CACNA2D4: variants seen among roughly 807,000 people sequenced by gnomAD.
CACNA2D4 encodes calcium voltage-gated channel auxiliary subunit alpha2delta 4, also known as voltage-dependent calcium channel subunit alpha-2/delta-4.
Under a neutral mutation model 163.8 loss-of-function variants are expected in CACNA2D4, and 157 were observed. The observed-to-expected ratio is 0.96, with a 90% CI of 0.84 to 1.09. CACNA2D4 has a LOEUF of 1.09. CACNA2D4 is among the 50% of genes least tolerant of loss of function. The pLI is 0.00. For synonymous variants in CACNA2D4, 598 were observed against 586.9 expected, an observed-to-expected ratio of 1.02 and a Z score of -0.27; for missense variants, 1,410 against 1,479.9, an observed-to-expected ratio of 0.95 and a Z score of 0.78.
intron 35 of CACNA2D4, 177 bp from the exon 36 acceptor site, chr12:1,795,957 T>C: frequency 3.3e-6 from 2 of 609,198 alleles, no homozygotes; most frequent in Admixed American, 2.8e-5. Context: ...TCAGTCCTAC[T>C]GGCTTTGCTC....
At position 1,909,895 on chromosome 12, in the gene CACNA2D4, G is replaced by A. The variant is rs376542989; in HGVS notation, c.486+11C>T. The A allele has an allele frequency of 5.6e-6, 9 of 1,612,988 alleles. No individual in the cohort carries two copies. Among genetic ancestry groups the A allele is most frequent in the Middle Eastern group, 1.6e-4 (1 of 6,074 alleles). ...TGGCCCTCTGGCACCAGTGCCAGGA[G>A]TGGGACTCACCACCAGGGATTCATT... On this transcript the variant is annotated intron_variant, in intron 4 of 37. Transcript: ENST00000382722.
At chr12:1,840,676 T>A in intron 26 of CACNA2D4, 63 bp downstream of exon 26, 1 of 1,386,772 alleles carries the variant, frequency 7.2e-7, no homozygotes, top group Non-Finnish European at 1.0e-6. Context: ...TGCTGTGATC[T>A]ATGCCTTGCT....
In CACNA2D4 at chr12:1,886,860, TC is replaced by T. The variant is rs1217818658; in HGVS notation, c.842+148del. 4 of 611,330 alleles carry T rather than the reference TC, an allele frequency of 6.5e-6. No individual in the cohort carries two copies. The African/African-American group carries it at 7.4e-5, about 11-fold the overall frequency. 37.9% of individuals were successfully genotyped at this position (611,330 alleles called of 1,614,324 possible). On this transcript the variant is annotated intron_variant, in intron 7 of 37. Coordinates refer to ENST00000382722, the MANE Select transcript of CACNA2D4 (RefSeq NM_172364.5). ...GGGAAGGGAGGAATGCTGGCCCTCT[TC>T]CTGCTCTTGTGTCGGGCTAGGGTTC...
rs114252409 is a variant in CACNA2D4 at position 1,813,783 on chromosome 12, G to A, written c.2552-2060C>T. Among the ~76,000 whole-genome samples the A allele has an allele frequency of 4.1e-3, 623 of 152,296 alleles. 5 individuals are homozygous for A. The highest frequency in any genetic ancestry group is 0.014 in the African/African-American group (594 of 41,548). On this transcript the variant is annotated intron_variant, in intron 26 of 37. Transcript: ENST00000382722. ...TTTGAGTTCCAGGTAGCTGAAAGGA[G>A]TGGGCTGGAAGGGGACGGGGAGACC...
In CACNA2D4 at chr12:1,795,703, A is replaced by G; in HGVS notation, c.3191T>C (p.Phe1064Ser). The change falls in exon 36 of 38, where the codon TTC (phenylalanine) becomes TCC (serine). Residue 1064 changes from phenylalanine to serine, a missense_variant. Coordinates refer to ENST00000382722, the MANE Select transcript of CACNA2D4 (RefSeq NM_172364.5). The part of the protein sequence containing the change: ...VTDPTCDCSI[F>S]PPVLQEATEV... ...TGTCGCCTCCTGCAGCACTGGTGGG[A>G]AGATGCTGCAGTCACAGGTGGGGTC... is the stretch of plus-strand genomic sequence containing the variant. 3 of 1,613,078 alleles carry G rather than the reference A, an allele frequency of 1.9e-6. No homozygotes were observed. The highest frequency in any genetic ancestry group is 1.7e-6 in the Non-Finnish European group (2 of 1,179,172).
In CACNA2D4 at chr12:1,834,849, C is replaced by G; in HGVS notation, c.2551+5890G>C. ...GTCCACCCTCCTCCCCGCCCTCCAG[C>G]AGACAAGCCACACCGGGTTCTCTCC... On this transcript the variant is annotated intron_variant, in intron 26 of 37. Transcript: ENST00000382722. This position sits in a 1 kb window ranked among gnomAD's most constrained non-coding sequence, Gnocchi z 7.6. The G allele has an allele frequency of 2.1e-6, 3 of 1,427,110 alleles. No homozygotes were observed. The highest frequency in any genetic ancestry group is 2.7e-6 in the Non-Finnish European group (3 of 1,092,334). 88.4% of individuals were successfully genotyped at this position (1,427,110 alleles called of 1,614,324 possible). A position where few individuals can be genotyped will look rare whatever the true frequency, so the allele number is the denominator to read the frequency against.
At chr12:1,909,284 C>A in intron 4 of CACNA2D4, among the ~76,000 whole-genome samples, 1 of 152,212 alleles carries the variant, frequency 6.6e-6, no homozygotes, top group Middle Eastern at 3.2e-3. Flanking sequence ...CTCCGCCTCC[C>A]GGGTTCACGC....
intron 24 of CACNA2D4, 49 bp downstream of exon 24, chr12:1,846,545 C>T: frequency 1.4e-6 from 2 of 1,453,586 alleles, no homozygotes; most frequent in Non-Finnish European, 1.9e-6. Context: ...GACTCTGGCC[C>T]TCTCTGCCCT....
In CACNA2D4 at chr12:1,856,011, C is replaced by T. The variant is rs1565712889; in HGVS notation, c.2152+1G>A. The T allele has an allele frequency of 5.6e-6, 9 of 1,612,806 alleles. No individual in the cohort carries two copies. Among genetic ancestry groups the T allele is most frequent in the Non-Finnish European group, 7.6e-6 (9 of 1,178,946 alleles). ...TGCCTCAGTGGGCGGCCAGCACTCA[C>T]ACTCCAGGTCTGGGTCCTTCCTGGT... On this transcript the variant is annotated splice_donor_variant, in intron 22 of 37. Coordinates refer to ENST00000382722, the MANE Select transcript of CACNA2D4 (RefSeq NM_172364.5). LOFTEE classifies it high-confidence loss of function.
chr12:1,810,239 C>G (rs1263337755), intron 29 of CACNA2D4, 39 bp downstream of exon 29: 1 of 1,550,636 alleles, frequency 6.4e-7, no homozygotes, highest in East Asian at 2.2e-5. Flanking sequence ...AGTCCTCCTG[C>G]CGCCCTCTCC....
rs2154445652 is a variant in CACNA2D4, at chr12:1,806,667, G to A, written c.2721+3611C>T. Among the ~76,000 whole-genome samples the A allele has an allele frequency of 6.6e-6, 1 of 152,322 alleles. No individual in the cohort carries two copies. Among genetic ancestry groups the A allele is most frequent in the East Asian group, 1.9e-4 (1 of 5,168 alleles). On this transcript the variant is annotated intron_variant, in intron 29 of 37. Coordinates refer to ENST00000382722, the MANE Select transcript of CACNA2D4 (RefSeq NM_172364.5). This position sits in a 1 kb window ranked among gnomAD's most constrained non-coding sequence, Gnocchi z 4.1. Reference sequence around the variant, plus strand: ...GCATTGAGATCCACAGCAGCCAGGAGGCCTGGGGAGGGTTCTCAACCCACC... The same window carrying A: ...GCATTGAGATCCACAGCAGCCAGGAAGCCTGGGGAGGGTTCTCAACCCACC...
intron 6 of CACNA2D4, among the ~76,000 whole-genome samples, chr12:1,906,397 GA>G (rs1275845715): frequency 9.9e-5 from 15 of 152,202 alleles, no homozygotes; most frequent in African/African-American, 3.6e-4. Flanking sequence ...CAGAATGGGA[GA>G]AATTATTTGC....
At chr12:1,865,880 C>T (rs1159149029) in intron 18 of CACNA2D4, among the ~76,000 whole-genome samples, 1 of 152,248 alleles carries the variant, frequency 6.6e-6, no homozygotes, top group African/African-American at 2.4e-5. Context: ...TCTGAACTTG[C>T]TAAACTTACC....
Position 1,834,391 on chromosome 12 carries a change from G to A in CACNA2D4, c.2551+6348C>T. On this transcript the variant is annotated intron_variant, in intron 26 of 37. Transcript: ENST00000382722. The surrounding 1 kb of genome is among the most constrained non-coding windows in gnomAD (Gnocchi z 7.6). ...TGGAGGACGAGAATAGCTCAGCTGG[G>A]CTGGATATTCCTGGGCCACCCTGCA... 1 of 1,613,148 alleles carries A rather than the reference G, an allele frequency of 6.2e-7. No individual in the cohort carries two copies. The highest frequency in any genetic ancestry group is 1.1e-5 in the South Asian group (1 of 91,080).
intron 18 of CACNA2D4, among the ~76,000 whole-genome samples, chr12:1,871,285 C>A (rs1257316796): frequency 8.0e-6 from 1 of 125,750 alleles, no homozygotes; most frequent in Non-Finnish European, 1.6e-5. Flanking sequence ...GTGTGTACAC[C>A]TGTATGTTGC....
intron 23 of CACNA2D4, among the ~76,000 whole-genome samples, chr12:1,848,982 GGGGTCCCTT>G (rs1865215534): frequency 6.6e-6 from 1 of 152,100 alleles, no homozygotes; most frequent in African/African-American, 2.4e-5. Flanking sequence ...AGCTGGCTCT[GGGGTCCCTT>G]GGGCACAATA....
intron 7 of CACNA2D4, 148 bp downstream of exon 7, chr12:1,886,861 C>T (rs1448959985): frequency 1.6e-6 from 1 of 610,750 alleles, no homozygotes. Flanking sequence ...TGGCCCTCTT[C>T]CTGCTCTTGT....
Position 1,874,578 on chromosome 12 carries a change from T to A in CACNA2D4, c.1878+26A>T, listed in dbSNP as rs737102. The A allele has an allele frequency of 3.9e-6, 6 of 1,543,388 alleles. No homozygotes were observed. Among genetic ancestry groups the A allele is most frequent in the Non-Finnish European group, 4.5e-6 (5 of 1,115,828 alleles). Reference sequence around the variant, plus strand: ...TTAATGAAGATGCCTTCCTAGGCCATGCCCTGGCTGTTTCTAGCTCCTTAC... The same window carrying A: ...TTAATGAAGATGCCTTCCTAGGCCAAGCCCTGGCTGTTTCTAGCTCCTTAC... On this transcript the variant is annotated intron_variant, in intron 18 of 37. Transcript: ENST00000382722. This position sits in a 1 kb window ranked among gnomAD's most constrained non-coding sequence, Gnocchi z 4.4.
At chr12:1,879,473 A>T (rs1865947729) in intron 14 of CACNA2D4, among the ~76,000 whole-genome samples, 1 of 152,082 alleles carries the variant, frequency 6.6e-6, no homozygotes, top group African/African-American at 2.4e-5. Context: ...AGTCTGCACA[A>T]CCTGGCAGAT....
Sources: allele counts gnomAD v4.1 joint callset (sites outside exome capture counted in the v4.1 genomes callset), GRCh38; gene constraint gnomAD v4.1.1; non-coding constraint Gnocchi (gnomAD v3.1); transcripts MANE v1.5; gene names NCBI Gene and HGNC (gene_info 2026-07-23, HGNC 2026-07-21).